CFAP221: variants seen among roughly 807,000 people sequenced by gnomAD.
CFAP221 encodes cilia and flagella associated protein 221, also known as cilia- and flagella-associated protein 221.
CFAP221 carries 97 observed loss-of-function variants against 113.1 expected under a neutral mutation model. The observed-to-expected ratio is 0.86, with a 90% CI of 0.73 to 1.02. CFAP221 has a LOEUF of 1.02. CFAP221 is among the 50% of genes least tolerant of loss of function. The probability of loss-of-function intolerance (pLI) is 0.00; values close to 1 mark genes in which losing one functional copy is unlikely to be tolerated. For synonymous variants in CFAP221, 331 were observed against 354.4 expected (o/e 0.93, Z 0.74); for missense variants, 1,025 against 1,013.4 (o/e 1.01, Z -0.16).
At chr2:119,649,068 T>C (rs144085850) in intron 22 of CFAP221, among the ~76,000 whole-genome samples, 3 of 152,354 alleles carry the variant, frequency 2.0e-5, no homozygotes, top group Non-Finnish European at 2.9e-5. Flanking sequence ...GAGATGGATG[T>C]CTTCATTTTT....
At chr2:119,608,095 A>G (rs761922686) in intron 11 of CFAP221, among the ~76,000 whole-genome samples, 86 of 152,270 alleles carry the variant, frequency 5.6e-4, no homozygotes, top group Admixed American at 9.2e-4. Flanking sequence ...ACTGTTTTCC[A>G]TGGTGGCCAA....
Position 119,630,744 on chromosome 2 carries a change from G to A in CFAP221, c.1840-23G>A, listed in dbSNP as rs72965039. 6,861 of 1,608,328 alleles carry A rather than the reference G, an allele frequency of 4.3e-3. 214 individuals are homozygous for A. In the African/African-American group the frequency reaches 0.074, roughly 17 times the overall value. ...CTCTTATCCTGGCATCAAAACTAAC[G>A]TGCTGTCCTTGCTCCTTGTTAGGAT... On this transcript the variant is annotated intron_variant, in intron 18 of 23. Transcript: ENST00000413369.
At chr2:119,600,478 C>T (rs1282153562) in intron 7 of CFAP221, among the ~76,000 whole-genome samples, 3 of 152,098 alleles carry the variant, frequency 2.0e-5, no homozygotes, top group East Asian at 1.9e-4. Flanking sequence ...ATGTCTGAAT[C>T]GCTAATGCAG....
intron 13 of CFAP221, among the ~76,000 whole-genome samples, chr2:119,614,685 G>A (rs1353238948): frequency 1.3e-5 from 2 of 152,048 alleles, no homozygotes; most frequent in Non-Finnish European, 2.9e-5. Flanking sequence ...CAACACCTGG[G>A]GATAATGAGA....
At chr2:119,646,861 G>A (rs534603973) in intron 21 of CFAP221, 97 bp from the exon 22 acceptor site, 55 of 1,096,390 alleles carry the variant, frequency 5.0e-5, no homozygotes, top group Admixed American at 4.3e-4. Flanking sequence ...TAGAGGCCTC[G>A]CCAGCAGTAA....
At chr2:119,635,284 A>G (rs1038908620) in intron 19 of CFAP221, among the ~76,000 whole-genome samples, 5 of 152,250 alleles carry the variant, frequency 3.3e-5, no homozygotes, top group African/African-American at 7.2e-5. Context: ...TACACCCACC[A>G]TATGTCCAAC....
chr2:119,591,140 A>T (rs1683565912), intron 7 of CFAP221, among the ~76,000 whole-genome samples: 1 of 152,210 alleles, frequency 6.6e-6, no homozygotes, highest in African/African-American at 2.4e-5. Context: ...CAGGTCAGCA[A>T]ATGGAGGAAC....
At chr2:119,579,566 C>T (rs1682703450) in intron 6 of CFAP221, among the ~76,000 whole-genome samples, 1 of 152,158 alleles carries the variant, frequency 6.6e-6, no homozygotes, top group Non-Finnish European at 1.5e-5. Context: ...AGCAAAAGTT[C>T]AGCAATTCCA....
intron 6 of CFAP221, among the ~76,000 whole-genome samples, chr2:119,577,624 T>C (rs1682543271): frequency 6.6e-6 from 1 of 152,210 alleles, no homozygotes. Context: ...TGGACCTCTC[T>C]ATAGATCAGT....
intron 14 of CFAP221, among the ~76,000 whole-genome samples, chr2:119,623,165 A>G (rs903524679): frequency 1.1e-4 from 16 of 152,252 alleles, no homozygotes; most frequent in African/African-American, 3.6e-4. Flanking sequence ...AACTTCAGCA[A>G]AGTCTCAGGA....
chr2:119,627,691 CA>C lies in CFAP221; in HGVS notation c.1556del (p.Gln519ArgfsTer90). 1 of 1,613,712 alleles carries C rather than the reference CA, an allele frequency of 6.2e-7. No individual in the cohort carries two copies. Among genetic ancestry groups the C allele is most frequent in the East Asian group, 2.2e-5 (1 of 44,860 alleles). ...CAAATTCTTCCTGAGGCGGATCAGT[CA>C]GGATGATTATACCAGCCGGTTCTCT... The part of the protein sequence containing the change: ...FFKFFLRRIS[Q>X]DDYTSRFSVS... On this transcript the variant is annotated frameshift_variant, in exon 16 of 24. Coordinates refer to ENST00000413369, the MANE Select transcript of CFAP221 (RefSeq NM_001271049.2). LOFTEE classifies it high-confidence loss of function.
chr2:119,546,498 A>T (rs1398354433), intron 2 of CFAP221, among the ~76,000 whole-genome samples: 1 of 152,102 alleles, frequency 6.6e-6, no homozygotes, highest in African/African-American at 2.4e-5. Flanking sequence ...ACTTCTTCTA[A>T]TGTCTTTCCT....
At chr2:119,569,584 A>G (rs1330854184) in intron 6 of CFAP221, among the ~76,000 whole-genome samples, 4 of 151,022 alleles carry the variant, frequency 2.6e-5, no homozygotes, top group African/African-American at 9.8e-5. Context: ...TATTTCTTCT[A>G]TTTTTTTTCT....
intron 3 of CFAP221, among the ~76,000 whole-genome samples, chr2:119,551,176 C>A (rs1680394703): frequency 6.6e-6 from 1 of 152,148 alleles, no homozygotes; most frequent in Non-Finnish European, 1.5e-5. Flanking sequence ...TGGATTGTTT[C>A]CACATTGGGG....
At chr2:119,589,883 C>A (rs761074054) in intron 7 of CFAP221, 2 of 152,156 alleles carry the variant, frequency 1.3e-5, no homozygotes, top group Non-Finnish European at 2.9e-5. Flanking sequence ...GCAACCAAAA[C>A]TTCAAGAACA....
chr2:119,564,123 C>T (rs1452738478), intron 6 of CFAP221, among the ~76,000 whole-genome samples: 1 of 152,128 alleles, frequency 6.6e-6, no homozygotes, highest in East Asian at 1.9e-4. Flanking sequence ...CTGCTGATGA[C>T]CGGGTGGATC....
chr2:119,634,054 G>A (rs1216899345), intron 19 of CFAP221, among the ~76,000 whole-genome samples: 1 of 152,222 alleles, frequency 6.6e-6, no homozygotes, highest in Non-Finnish European at 1.5e-5. Context: ...GCTGCAGTAA[G>A]CTGTGATTTC....
intron 6 of CFAP221, 60 bp downstream of exon 6, chr2:119,562,174 C>T (rs1681292116): frequency 9.1e-7 from 1 of 1,101,892 alleles, no homozygotes; most frequent in Non-Finnish European, 1.2e-6. Context: ...GATACTCATA[C>T]AAAACCTTAG....
Position 119,595,417 on chromosome 2 carries a change from T to C in CFAP221, c.632-5801T>C, listed in dbSNP as rs150224138. Among the ~76,000 whole-genome samples the C allele has an allele frequency of 2.9e-3, 446 of 152,364 alleles. 1 individual carries two copies. Among genetic ancestry groups the C allele is most frequent in the African/African-American group, 0.01 (417 of 41,588 alleles). On this transcript the variant is annotated intron_variant, in intron 7 of 23. Coordinates refer to ENST00000413369, the MANE Select transcript of CFAP221 (RefSeq NM_001271049.2). ...CACTTCCCTATTTAATAGATTTTTT[T>C]TCCTTACCATTTTTACCCTTCTTTT...
Sources: allele counts gnomAD v4.1 joint callset (sites outside exome capture counted in the v4.1 genomes callset), GRCh38; gene constraint gnomAD v4.1.1; transcripts MANE v1.5; gene names NCBI Gene and HGNC (gene_info 2026-07-23, HGNC 2026-07-21).